The following KLHL1 variants were observed in gnomAD, a reference collection of about 807,000 sequenced individuals.
KLHL1 encodes the protein kelch-like protein 1.
In KLHL1, 47 loss-of-function variants were observed where a neutral mutation model predicts 77.7. That is an observed-to-expected ratio of 0.60 (90% CI 0.48 to 0.77). The LOEUF is 0.77. KLHL1 is among the 30% of genes least tolerant of loss of function. The pLI is 0.00. For synonymous variants in KLHL1, 360 were observed against 325.2 expected, an observed-to-expected ratio of 1.11 and a Z score of -1.15; for missense variants, 925 against 910.8, an observed-to-expected ratio of 1.02 and a Z score of -0.20.
chr13:69,836,466 A>G (rs1012680757), intron 6 of KLHL1, among the ~76,000 whole-genome samples: 1 of 152,120 alleles, frequency 6.6e-6, no homozygotes, highest in Non-Finnish European at 1.5e-5. Flanking sequence ...TGAGTTAAAA[A>G]TGAAACAGCA....
intron 7 of KLHL1, among the ~76,000 whole-genome samples, chr13:69,748,000 A>C (rs559698576): frequency 1.3e-5 from 2 of 152,204 alleles, no homozygotes; most frequent in Admixed American, 6.6e-5. Flanking sequence ...CTTTCAACAC[A>C]GGTATCTATC....
At chr13:69,945,913 A>G (rs1883510332) in intron 3 of KLHL1, among the ~76,000 whole-genome samples, 1 of 152,208 alleles carries the variant, frequency 6.6e-6, no homozygotes, top group African/African-American at 2.4e-5. Context: ...CAAGAACTGG[A>G]AAGAACTAAA....
At chr13:69,726,012 C>T (rs750507910) in intron 8 of KLHL1, among the ~76,000 whole-genome samples, 1 of 152,118 alleles carries the variant, frequency 6.6e-6, no homozygotes. Flanking sequence ...AAAGTCTTTT[C>T]TGATCCCATT....
intron 1 of KLHL1, among the ~76,000 whole-genome samples, chr13:70,067,784 C>T (rs895352098): frequency 3.3e-5 from 5 of 152,058 alleles, no homozygotes; most frequent in Non-Finnish European, 5.9e-5. Flanking sequence ...TGAGAGCCAC[C>T]ATCTTTTCCT....
chr13:69,749,156 A>C (rs183846543), intron 7 of KLHL1, among the ~76,000 whole-genome samples: 10 of 152,148 alleles, frequency 6.6e-5, no homozygotes, highest in Non-Finnish European at 1.5e-4. Flanking sequence ...AGGGTGAATA[A>C]TTGGACTAGA....
At chr13:70,059,015 A>G (rs1414549140) in intron 1 of KLHL1, among the ~76,000 whole-genome samples, 1 of 152,218 alleles carries the variant, frequency 6.6e-6, no homozygotes, top group African/African-American at 2.4e-5. Flanking sequence ...CATGTGCAGA[A>G]TAATAAAGCT....
At chr13:69,984,154 G>A (rs1234526369) in intron 1 of KLHL1, among the ~76,000 whole-genome samples, 1 of 152,074 alleles carries the variant, frequency 6.6e-6, no homozygotes, top group Non-Finnish European at 1.5e-5. Context: ...AAATAGACAA[G>A]CGGGAATGGT....
chr13:70,100,526 G>T (rs1331206293), intron 1 of KLHL1, among the ~76,000 whole-genome samples: 4 of 151,988 alleles, frequency 2.6e-5, no homozygotes, highest in African/African-American at 7.2e-5. Context: ...GTAGAGACGG[G>T]GTTTCACTAA....
At chr13:69,860,011 G>A (rs549891258) in intron 5 of KLHL1, among the ~76,000 whole-genome samples, 4 of 152,048 alleles carry the variant, frequency 2.6e-5, no homozygotes, top group South Asian at 2.1e-4. Flanking sequence ...TTATTCACCC[G>A]TTACAAATTC....
chr13:69,869,705 C>G (rs1382580774), intron 5 of KLHL1, among the ~76,000 whole-genome samples: 2 of 152,066 alleles, frequency 1.3e-5, no homozygotes, highest in African/African-American at 2.4e-5. Context: ...TTTTCTGATA[C>G]TCTTAGAAAT....
At chr13:69,922,062 G>A (rs1002959948) in intron 4 of KLHL1, among the ~76,000 whole-genome samples, 4 of 151,786 alleles carry the variant, frequency 2.6e-5, no homozygotes, top group African/African-American at 9.7e-5. Flanking sequence ...CTGAGTAGCT[G>A]GGACTAAACG....
At chr13:69,928,468 C>T (rs1418605910) in intron 4 of KLHL1, among the ~76,000 whole-genome samples, 1 of 152,158 alleles carries the variant, frequency 6.6e-6, no homozygotes, top group Non-Finnish European at 1.5e-5. Context: ...GGGCTACAAA[C>T]CTATTAAAAT....
At chr13:70,092,287 A>G (rs1887687668) in intron 1 of KLHL1, among the ~76,000 whole-genome samples, 1 of 152,164 alleles carries the variant, frequency 6.6e-6, no homozygotes, top group African/African-American at 2.4e-5. Flanking sequence ...TGTACCACCC[A>G]AAACTACTAT....
intron 1 of KLHL1, among the ~76,000 whole-genome samples, chr13:69,989,701 T>A (rs1402833382): frequency 6.6e-6 from 1 of 151,982 alleles, no homozygotes; most frequent in African/African-American, 2.4e-5. Flanking sequence ...TATTTCTAGG[T>A]ATTTTATTTT....
At chr13:69,926,229 G>A (rs1053441465) in intron 4 of KLHL1, among the ~76,000 whole-genome samples, 1 of 152,050 alleles carries the variant, frequency 6.6e-6, no homozygotes, top group Admixed American at 6.6e-5. Context: ...GTCAAAGGGT[G>A]GCATATTGCC....
intron 6 of KLHL1, among the ~76,000 whole-genome samples, chr13:69,814,418 A>C (rs944322443): frequency 6.6e-6 from 1 of 152,316 alleles, no homozygotes; most frequent in South Asian, 2.1e-4. Flanking sequence ...ATTAAACTGA[A>C]GAGCTTTGGC....
In KLHL1 at chr13:69,856,121, T is replaced by C. The variant is rs151155955; in HGVS notation, c.1228-16959A>G. ...GACTATCTTTTCAGGAATGTTTGAA[T>C]ACTGTGCAACTTTGGAAGCTAGAGA... On this transcript the variant is annotated intron_variant, in intron 5 of 10. Transcript: ENST00000377844. Among the ~76,000 whole-genome samples, 79 of 151,868 alleles carry C rather than the reference T, an allele frequency of 5.2e-4. 2 individuals carry two copies. The highest frequency in any genetic ancestry group is 1.9e-3 in the African/African-American group (77 of 41,476).
intron 1 of KLHL1, among the ~76,000 whole-genome samples, chr13:70,096,646 G>GTT (rs5804473): frequency 0.041 from 6,136 of 148,534 alleles, 340 homozygotes; most frequent in African/African-American, 0.12. Flanking sequence ...AAAGTTAGCT[G>GTT]TTTTTTTTTT....
At chr13:69,876,998 C>T (rs1045302151) in intron 5 of KLHL1, among the ~76,000 whole-genome samples, 2 of 151,970 alleles carry the variant, frequency 1.3e-5, no homozygotes, top group African/African-American at 4.8e-5. Flanking sequence ...GACTGTGCCA[C>T]TGCACTCCAG....
Sources: gnomAD v4.1 joint callset for allele counts (sites outside exome capture counted in the v4.1 genomes callset) on GRCh38, gnomAD v4.1.1 for gene constraint, MANE v1.5 for transcripts, NCBI Gene and HGNC (gene_info 2026-07-23, HGNC 2026-07-21) for gene names.